The following RPS6KA5 variants were observed in gnomAD, a reference collection of about 807,000 sequenced individuals.
The protein encoded by RPS6KA5 is ribosomal protein S6 kinase alpha-5.
Under a neutral mutation model 85.5 loss-of-function variants are expected in RPS6KA5, and 27 were observed. That is an observed-to-expected ratio of 0.32 (90% CI 0.23 to 0.44). RPS6KA5 has a LOEUF of 0.44. Ranked by LOEUF, RPS6KA5 falls within the 20% of genes least tolerant of loss-of-function variation. The pLI is 1.00. For missense variants in RPS6KA5, 811 were observed against 980.9 expected (o/e 0.83, Z 2.31); for synonymous variants, 334 against 348.2 (o/e 0.96, Z 0.46).
intron 1 of RPS6KA5, among the ~76,000 whole-genome samples, chr14:91,035,873 A>C (rs28679596): frequency 2.1e-5 from 3 of 142,362 alleles, no homozygotes; most frequent in South Asian, 4.3e-4. Context: ...AAAAAAAAAA[A>C]AAAAAAAACC....
rs189554961 is a variant in RPS6KA5 at position 91,023,370 on chromosome 14, T to C, written c.104-22211A>G. ...ATGGTGTGATCTCCTCACTGCAACC[T>C]CTGCCTCCTGGGTTCAAGCGATTCT... On this transcript the variant is annotated intron_variant, in intron 1 of 16. Coordinates refer to ENST00000614987, the MANE Select transcript of RPS6KA5 (RefSeq NM_004755.4). 3.3e-3 allele frequency among the ~76,000 whole-genome samples: 496 copies of C among 151,914 alleles called. 3 individuals carry two copies. The highest frequency in any genetic ancestry group is 5.2e-3 in the Non-Finnish European group (355 of 67,932).
At chr14:90,996,564 GTT>G (rs1467601003) in intron 2 of RPS6KA5, among the ~76,000 whole-genome samples, 2 of 151,836 alleles carry the variant, frequency 1.3e-5, no homozygotes, top group Admixed American at 6.6e-5. Flanking sequence ...CAGAGATAAC[GTT>G]TTCTTTTAAA....
In RPS6KA5 at chr14:90,859,516, T is replaced by G. The variant is rs2032440333; in HGVS notation, c.*12558A>C. The G allele has an allele frequency of 6.6e-6, 1 of 152,132 alleles. No homozygotes were observed. Among genetic ancestry groups the G allele is most frequent in the Non-Finnish European group, 1.5e-5 (1 of 68,024 alleles). 9.4% of individuals were successfully genotyped at this position (152,132 alleles called of 1,614,324 possible). ...CAGAGACTTGGCACCTACAAAAAAG[T>G]GTCATGGATATTTTAGAATCCAAAA... On this transcript the variant is annotated 3_prime_UTR_variant, in exon 17 of 17. Transcript: ENST00000614987.
rs2140088834 is a variant in RPS6KA5, at chr14:90,848,484, A to G, written c.*23590T>C. 6.6e-6 allele frequency: 1 copy of G among 152,348 alleles called. No individual in the cohort carries two copies. The highest frequency in any genetic ancestry group is 2.4e-5 in the African/African-American group (1 of 41,582). The allele number at this position is 152,348 out of a possible 1,614,324, so 9.4% of individuals were successfully genotyped here. On this transcript the variant is annotated 3_prime_UTR_variant, in exon 17 of 17. Coordinates refer to ENST00000614987, the MANE Select transcript of RPS6KA5 (RefSeq NM_004755.4). ...GCAGATAAAGAAAAGCTGTCACTTA[A>G]TAACACAGGTGGCAGCAACCAAAAA...
In RPS6KA5 at chr14:91,001,800, ATTAGCAT is replaced by A. The variant is rs556269863; in HGVS notation, c.104-648_104-642del. 7.9e-5 allele frequency among the ~76,000 whole-genome samples: 12 copies of A among 152,330 alleles called. No individual in the cohort carries two copies. In the East Asian group the frequency reaches 1.3e-3, roughly 17 times the overall value. ...TAAATAAAATTAGGATCTCTTATAA[ATTAGCAT>A]TTTCCATAACATATTCCATTGAATT... On this transcript the variant is annotated intron_variant, in intron 1 of 16. Transcript: ENST00000614987.
Position 90,906,152 on chromosome 14 carries a change from A to T in RPS6KA5, c.954T>A (p.Phe318Leu). 3 of 1,594,032 alleles carry T rather than the reference A, an allele frequency of 1.9e-6. No homozygotes were observed. The highest frequency in any genetic ancestry group is 2.6e-6 in the Non-Finnish European group (3 of 1,165,930). ...DADEIKEHLFFQKINWDDLAA... is the reference protein window; with the variant it reads ...DADEIKEHLFLQKINWDDLAA... Reference sequence around the variant, plus strand: ...TTTATCTATTCAATAATTTCACCTGAAAGAAGAGATGTTCTTTGATTTCAT... The same window carrying T: ...TTTATCTATTCAATAATTTCACCTGTAAGAAGAGATGTTCTTTGATTTCAT... Residue 318 changes from phenylalanine to leucine, a missense_variant, in exon 8 of 17, where the codon TTT (phenylalanine) becomes TTA (leucine). Coordinates refer to ENST00000614987, the MANE Select transcript of RPS6KA5 (RefSeq NM_004755.4).
intron 1 of RPS6KA5, among the ~76,000 whole-genome samples, chr14:91,057,429 A>C (rs1197050333): frequency 6.6e-6 from 1 of 152,140 alleles, no homozygotes; most frequent in African/African-American, 2.4e-5. Context: ...GGCTGCAAAT[A>C]AACAAAGGAC....
intron 1 of RPS6KA5, among the ~76,000 whole-genome samples, chr14:91,044,913 G>A (rs964157399): frequency 2.7e-5 from 4 of 150,812 alleles, no homozygotes; most frequent in African/African-American, 9.7e-5. Context: ...CAAATGAGAA[G>A]AATGAAGATA....
chr14:90,983,276 C>CAAA (rs562999325), intron 2 of RPS6KA5, among the ~76,000 whole-genome samples: 2 of 66,602 alleles, frequency 3.0e-5, no homozygotes, highest in Admixed American at 3.3e-4. Context: ...GACTCCATCT[C>CAAA]AAAAAAAAAA....
At chr14:91,057,954 G>C (rs2043391321) in intron 1 of RPS6KA5, among the ~76,000 whole-genome samples, 2 of 152,118 alleles carry the variant, frequency 1.3e-5, no homozygotes, top group South Asian at 4.1e-4. Flanking sequence ...GTCCTTTCAT[G>C]GGACGTTTTT....
At chr14:91,059,055 C>T (rs1382931498) in intron 1 of RPS6KA5, among the ~76,000 whole-genome samples, 2 of 151,938 alleles carry the variant, frequency 1.3e-5, no homozygotes, top group Non-Finnish European at 2.9e-5. Context: ...CGGCCGGGCA[C>T]GGTGGCTCAC....
chr14:90,919,973 G>A (rs1044853508), intron 7 of RPS6KA5, among the ~76,000 whole-genome samples: 4 of 152,042 alleles, frequency 2.6e-5, no homozygotes, highest in Non-Finnish European at 5.9e-5. Context: ...CCAAAATCAT[G>A]ACACTATAGA....
chr14:90,974,804 A>ATCATGG (rs1180472596), intron 3 of RPS6KA5, among the ~76,000 whole-genome samples: 1 of 152,260 alleles, frequency 6.6e-6, no homozygotes, highest in Non-Finnish European at 1.5e-5. Context: ...TAACCATTAG[A>ATCATGG]GAACTGCTCA....
rs775962656 is a variant in RPS6KA5, at chr14:90,872,335, A to G, written c.2161-13T>C. 1.3e-6 allele frequency: 2 copies of G among 1,597,554 alleles called. No individual in the cohort carries two copies. The highest frequency in any genetic ancestry group is 1.4e-5 in the African/African-American group (1 of 73,588). ...ATTTGTTAAAGGCCTGGCGGGGGAA[A>G]AAAAGGGAACCCCTGTGAAGGTAAA... On this transcript the variant is annotated splice_polypyrimidine_tract_variant and intron_variant, in intron 16 of 16. Coordinates refer to ENST00000614987, the MANE Select transcript of RPS6KA5 (RefSeq NM_004755.4).
At chr14:90,990,759 C>A (rs908018866) in intron 2 of RPS6KA5, among the ~76,000 whole-genome samples, 2 of 151,958 alleles carry the variant, frequency 1.3e-5, no homozygotes, top group African/African-American at 4.8e-5. Flanking sequence ...CAGCTGGAGA[C>A]CATTTTCCTA....
rs1424961195 is a variant in RPS6KA5, at chr14:90,872,243, T to C, written c.2240A>G (p.Lys747Arg). ...CGTCTCGGTACTGGTGCTAGTCTTT[T>C]TCATTTTTCTTCTCTTAGCCAAAGG... ...KAPLAKRRKM[K>R]KTSTSTETRS... Residue 747 changes from lysine to arginine, a missense_variant, in exon 17 of 17, where the codon AAA becomes AGA. Around this residue, in one of 3 missense-constraint regions of RPS6KA5, gnomAD observed 650 missense variants for 793.4 expected, o/e 0.82. Transcript: ENST00000614987. 3 of 1,614,012 alleles carry C rather than the reference T, an allele frequency of 1.9e-6. No homozygotes were observed. Among genetic ancestry groups the C allele is most frequent in the South Asian group, 1.1e-5 (1 of 91,058 alleles).
chr14:90,940,346 A>G (rs544679067), intron 5 of RPS6KA5, among the ~76,000 whole-genome samples: 1 of 152,294 alleles, frequency 6.6e-6, no homozygotes, highest in African/African-American at 2.4e-5. Context: ...CTCAAAGATG[A>G]TGGTATTTGA....
Position 91,003,826 on chromosome 14 carries a change from A to G in RPS6KA5, c.104-2667T>C, listed in dbSNP as rs183968336. Among the ~76,000 whole-genome samples the G allele has an allele frequency of 1.5e-3, 224 of 152,342 alleles. 2 individuals are homozygous for G. Among genetic ancestry groups the G allele is most frequent in the Admixed American group, 4.5e-3 (69 of 15,294 alleles). ...AAAGAGCTTAGCCCTGGGCTTATGA[A>G]GAAAAACCACTCTCTTCCACCTCAA... is the stretch of plus-strand genomic sequence containing the variant. On this transcript the variant is annotated intron_variant, in intron 1 of 16. Transcript: ENST00000614987.
At chr14:90,950,719 C>T (rs2038129292) in intron 3 of RPS6KA5, among the ~76,000 whole-genome samples, 1 of 152,174 alleles carries the variant, frequency 6.6e-6, no homozygotes, top group Non-Finnish European at 1.5e-5. Flanking sequence ...ACCAATCTTG[C>T]ACTACTGTGA....
Sources: gnomAD v4.1 joint callset for allele counts (sites outside exome capture counted in the v4.1 genomes callset) on GRCh38, gnomAD v4.1.1 for gene constraint, gnomAD v4.1.1 regional missense constraint, MANE v1.5 for transcripts, NCBI Gene and HGNC (gene_info 2026-07-23, HGNC 2026-07-21) for gene names.